Variants in CCSER1 observed in about 807,000 individuals in gnomAD.
CCSER1 encodes the protein coiled-coil serine rich protein 1.
Under a neutral mutation model 82.0 loss-of-function variants are expected in CCSER1, and 41 were observed. That is an observed-to-expected ratio of 0.50 (90% confidence interval 0.39 to 0.65). The LOEUF is 0.65. Ranked by LOEUF, CCSER1 falls within the 30% of genes least tolerant of loss-of-function variation. The probability of loss-of-function intolerance (pLI) is 0.00; values close to 1 mark genes in which losing one functional copy is unlikely to be tolerated. For missense variants in CCSER1, 1,119 were observed against 1,064.2 expected, an observed-to-expected ratio of 1.05 and a Z score of -0.72; for synonymous variants, 414 against 383.9, an observed-to-expected ratio of 1.08 and a Z score of -0.92.
At chr4:91,074,106 G>C (rs1721710899) in intron 9 of CCSER1, among the ~76,000 whole-genome samples, 1 of 152,106 alleles carries the variant, frequency 6.6e-6, no homozygotes, top group African/African-American at 2.4e-5. Flanking sequence ...ACTAACAATA[G>C]CAAGAACTAA....
chr4:90,169,483 A>G (rs896187728), intron 1 of CCSER1, among the ~76,000 whole-genome samples: 5 of 151,398 alleles, frequency 3.3e-5, no homozygotes, highest in East Asian at 3.9e-4. Context: ...TCTCCTGCCT[A>G]ATTGCCCTGG....
chr4:90,175,950 G>T (rs1474811044), intron 1 of CCSER1, among the ~76,000 whole-genome samples: 1 of 151,940 alleles, frequency 6.6e-6, no homozygotes, highest in Non-Finnish European at 1.5e-5. Context: ...CATTTAGACA[G>T]GTTGATGTAA....
chr4:91,318,730 G>T (rs1028053639), intron 10 of CCSER1, among the ~76,000 whole-genome samples: 7 of 151,854 alleles, frequency 4.6e-5, no homozygotes, highest in African/African-American at 1.2e-4. Flanking sequence ...TTTATATGTT[G>T]TTTCTGTCCA....
chr4:91,440,106 C>T, intron 10 of CCSER1, among the ~76,000 whole-genome samples: 1 of 152,010 alleles, frequency 6.6e-6, no homozygotes, highest in Admixed American at 6.6e-5. Context: ...AGCTCTGCAC[C>T]AAGTGGACCT....
chr4:91,245,865 T>A (rs946699194), intron 10 of CCSER1, among the ~76,000 whole-genome samples: 7 of 152,112 alleles, frequency 4.6e-5, no homozygotes, highest in African/African-American at 1.7e-4. Context: ...TCCGGTTAGT[T>A]TTGTATTTTT....
intron 10 of CCSER1, among the ~76,000 whole-genome samples, chr4:91,586,935 C>T (rs555964380): frequency 6.6e-6 from 1 of 151,090 alleles, no homozygotes; most frequent in South Asian, 2.1e-4. Flanking sequence ...GTGGGTATTC[C>T]ATAATAATGA....
At chr4:91,376,700 A>G (rs542832672) in intron 10 of CCSER1, among the ~76,000 whole-genome samples, 2 of 152,326 alleles carry the variant, frequency 1.3e-5, no homozygotes, top group African/African-American at 4.8e-5. Flanking sequence ...TAATAATTGT[A>G]TTTGATGTTG....
chr4:90,922,426 A>G (rs1260049311), intron 8 of CCSER1, among the ~76,000 whole-genome samples: 1 of 152,062 alleles, frequency 6.6e-6, no homozygotes, highest in Non-Finnish European at 1.5e-5. Context: ...GGAAGAATTA[A>G]ATCACAGTCC....
At chr4:90,849,321 C>T (rs1449812267) in intron 8 of CCSER1, among the ~76,000 whole-genome samples, 2 of 152,156 alleles carry the variant, frequency 1.3e-5, no homozygotes, top group African/African-American at 2.4e-5. Context: ...AAAGATCACT[C>T]TTGCTGTACA....
chr4:91,328,871 T>A (rs1363973196), intron 10 of CCSER1, among the ~76,000 whole-genome samples: 1 of 152,118 alleles, frequency 6.6e-6, no homozygotes, highest in Non-Finnish European at 1.5e-5. Context: ...ATGGTAGCAG[T>A]TTCCCCCCTA....
At chr4:91,098,152 G>T (rs1206994513) in intron 10 of CCSER1, among the ~76,000 whole-genome samples, 3 of 152,126 alleles carry the variant, frequency 2.0e-5, no homozygotes, top group Non-Finnish European at 4.4e-5. Flanking sequence ...TTGATGTAAA[G>T]TATCATTTGA....
chr4:90,129,880 A>G (rs1317695379), intron 1 of CCSER1, among the ~76,000 whole-genome samples: 1 of 152,238 alleles, frequency 6.6e-6, no homozygotes, highest in Non-Finnish European at 1.5e-5. Context: ...TCGGAGGGTT[A>G]TTACCTCAAC....
At chr4:90,970,702 C>T (rs1371031375) in intron 9 of CCSER1, among the ~76,000 whole-genome samples, 1 of 151,870 alleles carries the variant, frequency 6.6e-6, no homozygotes, top group Non-Finnish European at 1.5e-5. Flanking sequence ...TAAAACAAGT[C>T]TTAACAAATT....
At chr4:90,214,997 A>G (rs1034036226) in intron 1 of CCSER1, among the ~76,000 whole-genome samples, 1 of 152,222 alleles carries the variant, frequency 6.6e-6, no homozygotes. Flanking sequence ...TTAAGGGAAG[A>G]AAGATGAGTA....
chr4:90,888,544 A>G (rs969201024), intron 8 of CCSER1, among the ~76,000 whole-genome samples: 3 of 152,062 alleles, frequency 2.0e-5, no homozygotes, highest in African/African-American at 7.2e-5. Flanking sequence ...GCTTGCCACA[A>G]AAAAAATCTC....
At chr4:90,825,571 C>T (rs762374238) in intron 8 of CCSER1, among the ~76,000 whole-genome samples, 34 of 151,732 alleles carry the variant, frequency 2.2e-4, no homozygotes, top group Non-Finnish European at 4.9e-4. Flanking sequence ...GTAACTGGGC[C>T]GTCAAAAACA....
chr4:90,471,205 A>G (rs1001407573), intron 5 of CCSER1, among the ~76,000 whole-genome samples: 3 of 152,042 alleles, frequency 2.0e-5, no homozygotes, highest in African/African-American at 4.8e-5. Flanking sequence ...TGGGTGTGCT[A>G]TTGAGAGGCA....
rs1480810241 is a variant in CCSER1, at chr4:91,014,608, T to G, written c.2173-71342T>G. On this transcript the variant is annotated intron_variant, in intron 9 of 10. Transcript: ENST00000509176. ...ATCTGAAGCAGTTATACTAACTGCA[T>G]GATGCAAACATTTTCTTGCTGCTTT... 1.4e-5 allele frequency among the ~76,000 whole-genome samples: 2 copies of G among 143,716 alleles called. 1 individual carries two copies. The highest frequency in any genetic ancestry group is 4.9e-5 in the African/African-American group (2 of 41,076). 94.3% of individuals were successfully genotyped at this position (143,716 alleles called of 152,430 possible). A position where few individuals can be genotyped will look rare whatever the true frequency, so the allele number is the denominator to read the frequency against.
intron 7 of CCSER1, among the ~76,000 whole-genome samples, chr4:90,766,054 G>A (rs1751170184): frequency 6.6e-6 from 1 of 151,866 alleles, no homozygotes; most frequent in Non-Finnish European, 1.5e-5. Context: ...AAGGGAAAAT[G>A]TGTGTGTGTG....
Sources: gnomAD v4.1 joint callset for allele counts (sites outside exome capture counted in the v4.1 genomes callset) on GRCh38, gnomAD v4.1.1 for gene constraint, MANE v1.5 for transcripts, NCBI Gene and HGNC (gene_info 2026-07-23, HGNC 2026-07-21) for gene names.